DESI2: variants seen among roughly 807,000 people sequenced by gnomAD.
DESI2 encodes deubiquitinase DESI2.
Under a neutral mutation model 24.1 loss-of-function variants are expected in DESI2, and 10 were observed. That is an observed-to-expected ratio of 0.41 (90% CI 0.26 to 0.70). DESI2 has a LOEUF of 0.70. DESI2 is among the 30% of genes least tolerant of loss of function. The probability of loss-of-function intolerance (pLI) is 0.29; values close to 1 mark genes in which losing one functional copy is unlikely to be tolerated. For synonymous variants in DESI2, 71 were observed against 87.7 expected, an observed-to-expected ratio of 0.81 and a Z score of 1.06; for missense variants, 122 against 234.9, an observed-to-expected ratio of 0.52 and a Z score of 3.14.
At position 244,708,765 on chromosome 1, in the gene DESI2, GT is replaced by G. The variant is rs1677809533; in HGVS notation, c.*2979del. Reference sequence around the variant, plus strand: ...ATTGTATCTCTTTCTCTTCAGTATGGTTTAGAGCCCAGATCAGTTAGTAGGC... The same window carrying G: ...ATTGTATCTCTTTCTCTTCAGTATGGTTAGAGCCCAGATCAGTTAGTAGGC... On this transcript the variant is annotated 3_prime_UTR_variant, in exon 5 of 5. Transcript: ENST00000302550. 6.6e-6 allele frequency: 1 copy of G among 152,536 alleles called. No homozygotes were observed. The highest frequency in any genetic ancestry group is 1.5e-5 in the Non-Finnish European group (1 of 68,036). 9.4% of individuals were successfully genotyped at this position (152,536 alleles called of 1,614,324 possible).
chr1:244,680,034 T>A (rs1320315775), intron 1 of DESI2, among the ~76,000 whole-genome samples: 1,726 of 54,586 alleles, frequency 0.032, 38 homozygotes, highest in African/African-American at 0.096. Context: ...TTTTTTTTTT[T>A]TTAAACAAAA....
chr1:244,703,283 T>C (rs1677550504), intron 4 of DESI2, among the ~76,000 whole-genome samples: 1 of 152,260 alleles, frequency 6.6e-6, no homozygotes, highest in East Asian at 1.9e-4. Flanking sequence ...ATTACAGGCA[T>C]AAGATACCAC....
chr1:244,691,341 G>A (rs1005788994), intron 3 of DESI2, among the ~76,000 whole-genome samples: 1 of 152,200 alleles, frequency 6.6e-6, no homozygotes. Flanking sequence ...TGCCCACCTC[G>A]GCCTCCCAAA....
intron 1 of DESI2, among the ~76,000 whole-genome samples, chr1:244,685,934 G>A (rs1420059423): frequency 6.6e-6 from 1 of 151,960 alleles, no homozygotes; most frequent in Non-Finnish European, 1.5e-5. Context: ...TGGCATTTCT[G>A]TCCATCCCCA....
intron 1 of DESI2, among the ~76,000 whole-genome samples, chr1:244,664,249 G>C (rs542813644): frequency 3.9e-5 from 6 of 152,238 alleles, no homozygotes; most frequent in Admixed American, 2.6e-4. Context: ...GAGAGAAGAG[G>C]TAAAAGCTTG....
chr1:244,669,742 T>G (rs1676181426), intron 1 of DESI2, among the ~76,000 whole-genome samples: 1 of 152,124 alleles, frequency 6.6e-6, no homozygotes, highest in African/African-American at 2.4e-5. Context: ...GGTAAGTGTG[T>G]ATTAGTATTA....
In DESI2 at chr1:244,705,545, C is replaced by A. The variant is rs1385009637; in HGVS notation, c.352-11C>A. The A allele has an allele frequency of 6.2e-7, 1 of 1,607,188 alleles. No individual in the cohort carries two copies. The highest frequency in any genetic ancestry group is 1.1e-5 in the South Asian group (1 of 90,926). ...TCTCTTACCTAATACAGAACTCTTT[C>A]TCTTCTGTAGATTCTTTGTGGGAAA... On this transcript the variant is annotated splice_polypyrimidine_tract_variant and intron_variant, in intron 4 of 4. Transcript: ENST00000302550.
chr1:244,672,001 T>C (rs1676263729), intron 1 of DESI2, among the ~76,000 whole-genome samples: 1 of 152,214 alleles, frequency 6.6e-6, no homozygotes, highest in South Asian at 2.1e-4. Context: ...CCAAGTTACA[T>C]GATTTGGATG....
At chr1:244,653,407 C>G (rs1277703711) in intron 1 of DESI2, 52 bp downstream of exon 1, 1 of 1,524,470 alleles carries the variant, frequency 6.6e-7, no homozygotes, top group Admixed American at 2.4e-5. Flanking sequence ...GGCTTCCTCT[C>G]GCCCGTGGGG....
At chr1:244,699,054 C>T (rs1037378659) in intron 4 of DESI2, among the ~76,000 whole-genome samples, 1 of 152,138 alleles carries the variant, frequency 6.6e-6, no homozygotes, top group East Asian at 1.9e-4. Flanking sequence ...AGTGGACTTA[C>T]CAGTTTGCCA....
intron 1 of DESI2, among the ~76,000 whole-genome samples, chr1:244,677,986 T>C (rs1676473607): frequency 6.6e-6 from 1 of 152,186 alleles, no homozygotes; most frequent in Non-Finnish European, 1.5e-5. Flanking sequence ...TGTTTAATAC[T>C]GTCCAAAGGA....
chr1:244,667,261 C>T (rs1168394033), intron 1 of DESI2, among the ~76,000 whole-genome samples: 1 of 152,136 alleles, frequency 6.6e-6, no homozygotes, highest in Non-Finnish European at 1.5e-5. Flanking sequence ...AAATCAAAAG[C>T]AAGCTAGCTA....
chr1:244,658,720 A>G (rs1176290083), intron 1 of DESI2, among the ~76,000 whole-genome samples: 5 of 151,992 alleles, frequency 3.3e-5, no homozygotes, highest in East Asian at 1.9e-4. Flanking sequence ...CCAAATGCCT[A>G]TTTCTGGTGT....
chr1:244,666,948 T>C (rs1454471756), intron 1 of DESI2, among the ~76,000 whole-genome samples: 5 of 152,092 alleles, frequency 3.3e-5, no homozygotes, highest in South Asian at 2.1e-4. Context: ...GTGATTCTTA[T>C]TCACTATCAC....
At chr1:244,686,248 C>CTGTGTG (rs1491164622) in intron 1 of DESI2, among the ~76,000 whole-genome samples, 2 of 141,186 alleles carry the variant, frequency 1.4e-5, no homozygotes, top group Admixed American at 7.1e-5. Context: ...TGAAAGCACA[C>CTGTGTG]TCTGTGTGTG....
In DESI2 at chr1:244,689,106, A is replaced by C. The variant is rs751834584; in HGVS notation, c.116-143A>C. The C allele has an allele frequency of 1.6e-6, 1 of 643,550 alleles. No homozygotes were observed. The highest frequency in any genetic ancestry group is 2.8e-6 in the Non-Finnish European group (1 of 352,906). The allele number at this position is 643,550 out of a possible 1,614,324, so 39.9% of individuals were successfully genotyped here. A position where few individuals can be genotyped will look rare whatever the true frequency, so the allele number is the denominator to read the frequency against. ...ACAACTGTTTATACGAGTAATAGCTAAGTGAGATATTTGTGAAAGCATTTT... is the reference window on the plus strand; with the variant it reads ...ACAACTGTTTATACGAGTAATAGCTCAGTGAGATATTTGTGAAAGCATTTT... On this transcript the variant is annotated intron_variant, in intron 2 of 4. Transcript: ENST00000302550. The surrounding 1 kb of genome is among the most constrained non-coding windows in gnomAD (Gnocchi z 4.0).
At chr1:244,670,037 A>G (rs1270601714) in intron 1 of DESI2, among the ~76,000 whole-genome samples, 3 of 151,836 alleles carry the variant, frequency 2.0e-5, no homozygotes, top group African/African-American at 4.8e-5. Flanking sequence ...GCTCACTGCA[A>G]CCTCTGCCTC....
intron 1 of DESI2, among the ~76,000 whole-genome samples, chr1:244,670,591 G>A (rs368337754): frequency 6.6e-5 from 10 of 152,168 alleles, no homozygotes; most frequent in African/African-American, 2.2e-4. Flanking sequence ...ACAGTCCTCT[G>A]AGGTAGATTG....
chr1:244,655,121 C>T (rs1337631785), intron 1 of DESI2, among the ~76,000 whole-genome samples: 3 of 152,168 alleles, frequency 2.0e-5, no homozygotes, highest in Non-Finnish European at 4.4e-5. Flanking sequence ...AGATGGTATT[C>T]AGTATTTTCG....
Sources: allele counts gnomAD v4.1 joint callset (sites outside exome capture counted in the v4.1 genomes callset), GRCh38; gene constraint gnomAD v4.1.1; non-coding constraint Gnocchi (gnomAD v3.1); transcripts MANE v1.5; gene names NCBI Gene and HGNC (gene_info 2026-07-23, HGNC 2026-07-21).